Variants in GNAQ observed in about 807,000 individuals in gnomAD.
The protein encoded by GNAQ is guanine nucleotide-binding protein G(q) subunit alpha.
A neutral mutation model predicts 43.9 loss-of-function variants in GNAQ; 8 were observed. That is an observed-to-expected ratio of 0.18 (90% CI 0.11 to 0.33). The LOEUF (loss-of-function observed/expected upper bound fraction) is 0.33. Among genes scored for constraint, GNAQ ranks in the 10% least tolerant of loss-of-function variants. The pLI is 1.00. For missense variants in GNAQ, 158 were observed against 450.8 expected, an observed-to-expected ratio of 0.35 and a Z score of 5.88; for synonymous variants, 155 against 170.7, an observed-to-expected ratio of 0.91 and a Z score of 0.71.
At chr9:78,026,181 C>G (rs1823977539) in intron 1 of GNAQ, among the ~76,000 whole-genome samples, 1 of 152,132 alleles carries the variant, frequency 6.6e-6, no homozygotes, top group Non-Finnish European at 1.5e-5. Context: ...GATAAACCTG[C>G]AATATTTTCA....
intron 2 of GNAQ, among the ~76,000 whole-genome samples, chr9:77,816,388 C>CTGCCT (rs1827015941): frequency 6.6e-6 from 1 of 152,142 alleles, no homozygotes; most frequent in South Asian, 2.1e-4. Context: ...TCTGCCTTAT[C>CTGCCT]TATATTACCA....
At chr9:77,745,302 T>C (rs535707599) in intron 5 of GNAQ, among the ~76,000 whole-genome samples, 8 of 152,292 alleles carry the variant, frequency 5.3e-5, no homozygotes, top group African/African-American at 1.9e-4. Flanking sequence ...GAAAGCTGTT[T>C]AGTGCTTCAG....
intron 1 of GNAQ, among the ~76,000 whole-genome samples, chr9:77,961,438 C>T (rs903208609): frequency 6.6e-6 from 1 of 152,100 alleles, no homozygotes; most frequent in African/African-American, 2.4e-5. Context: ...AGAGAGAAAG[C>T]TCTTGAGATG....
intron 2 of GNAQ, among the ~76,000 whole-genome samples, chr9:77,893,041 T>C (rs1003074149): frequency 6.6e-6 from 1 of 152,294 alleles, no homozygotes; most frequent in South Asian, 2.1e-4. Flanking sequence ...TTATGGATAA[T>C]CTACTAGGCT....
intron 3 of GNAQ, among the ~76,000 whole-genome samples, chr9:77,798,938 C>T (rs1358980475): frequency 6.6e-6 from 1 of 152,156 alleles, no homozygotes; most frequent in Non-Finnish European, 1.5e-5. Flanking sequence ...ACACCACAAT[C>T]AGGACACAGA....
chr9:78,031,373 C>A lies in GNAQ; in HGVS notation c.-138G>T, dbSNP rs1000254259. 2.1e-6 allele frequency: 1 copy of A among 477,256 alleles called. No homozygotes were observed. The highest frequency in any genetic ancestry group is 2.1e-5 in the African/African-American group (1 of 47,538). The allele number at this position is 477,256 out of a possible 1,614,324, so 29.6% of individuals were successfully genotyped here. On this transcript the variant is annotated 5_prime_UTR_variant, in exon 1 of 7. Transcript: ENST00000286548. ...CCCGGGCGCGCGTCCGGGACGAGCT[C>A]CGGGAACCGCCGCGGGGGCGGCGGC...
chr9:77,761,707 G>A (rs1369798440), intron 5 of GNAQ, among the ~76,000 whole-genome samples: 3 of 64,596 alleles, frequency 4.6e-5, no homozygotes, highest in Admixed American at 2.6e-4. Flanking sequence ...CAGCCGACCC[G>A]TCTGGGAGGG....
intron 2 of GNAQ, among the ~76,000 whole-genome samples, chr9:77,853,000 T>C (rs1175549773): frequency 6.6e-6 from 1 of 152,148 alleles, no homozygotes; most frequent in East Asian, 1.9e-4. Context: ...AACGTCCAGA[T>C]GGAGAAAAGA....
At chr9:77,856,376 AAT>A in intron 2 of GNAQ, among the ~76,000 whole-genome samples, 1 of 152,222 alleles carries the variant, frequency 6.6e-6, no homozygotes, top group Non-Finnish European at 1.5e-5. Flanking sequence ...AAAATTTCAA[AAT>A]ATATATATAT....
intron 2 of GNAQ, among the ~76,000 whole-genome samples, chr9:77,875,450 A>G (rs1828111593): frequency 6.6e-6 from 1 of 152,222 alleles, no homozygotes; most frequent in African/African-American, 2.4e-5. Context: ...TATTAGGTTG[A>G]AAGCCTGGGT....
chr9:77,849,831 A>G (rs1471962034), intron 2 of GNAQ, among the ~76,000 whole-genome samples: 1 of 152,012 alleles, frequency 6.6e-6, no homozygotes, highest in Non-Finnish European at 1.5e-5. Flanking sequence ...ATGCCTGGCT[A>G]ATTTTTAAAT....
intron 1 of GNAQ, among the ~76,000 whole-genome samples, chr9:78,007,746 T>A (rs990380853): frequency 1.3e-5 from 2 of 152,214 alleles, no homozygotes; most frequent in Non-Finnish European, 2.9e-5. Flanking sequence ...CCAATCCCTA[T>A]CTTGTGAGAT....
At chr9:77,955,023 T>A (rs1823025593) in intron 1 of GNAQ, among the ~76,000 whole-genome samples, 1 of 152,212 alleles carries the variant, frequency 6.6e-6, no homozygotes, top group Non-Finnish European at 1.5e-5. Context: ...ACTGGCCAGA[T>A]CATAAGCCTG....
At chr9:78,019,162 G>A in intron 1 of GNAQ, among the ~76,000 whole-genome samples, 1 of 152,154 alleles carries the variant, frequency 6.6e-6, no homozygotes, top group East Asian at 1.9e-4. Context: ...ATTGGATAAG[G>A]AAACACAAAC....
chr9:77,864,803 T>C lies in GNAQ; in HGVS notation c.322-49033A>G, dbSNP rs371080534. 1.1e-4 allele frequency among the ~76,000 whole-genome samples: 17 copies of C among 152,342 alleles called. 1 individual carries two copies. In the East Asian group the frequency reaches 2.3e-3, roughly 21 times the overall value. On this transcript the variant is annotated intron_variant, in intron 2 of 6. Coordinates refer to ENST00000286548, the MANE Select transcript of GNAQ (RefSeq NM_002072.5). Reference sequence around the variant, plus strand: ...AATAGGAAATGAACACACTCTTTTCTGGTTCTGCTCACTGTTCTCCTTTCA... The same window carrying C: ...AATAGGAAATGAACACACTCTTTTCCGGTTCTGCTCACTGTTCTCCTTTCA...
intron 1 of GNAQ, among the ~76,000 whole-genome samples, chr9:77,980,415 G>C (rs1053071549): frequency 6.6e-6 from 1 of 152,062 alleles, no homozygotes; most frequent in East Asian, 1.9e-4. Flanking sequence ...TATTATTCTT[G>C]TCATAAAACT....
At chr9:78,013,189 C>T (rs1164630960) in intron 1 of GNAQ, among the ~76,000 whole-genome samples, 3 of 152,054 alleles carry the variant, frequency 2.0e-5, no homozygotes, top group Admixed American at 1.3e-4. Context: ...ACACAAATAC[C>T]CATATTATAT....
chr9:77,836,222 G>T (rs1827381639), intron 2 of GNAQ, among the ~76,000 whole-genome samples: 2 of 103,010 alleles, frequency 1.9e-5, no homozygotes, highest in South Asian at 6.8e-4. Flanking sequence ...AACTCCCTAT[G>T]ATTAAAAGCC....
chr9:77,892,428 T>C (rs1262659417), intron 2 of GNAQ, among the ~76,000 whole-genome samples: 1 of 152,238 alleles, frequency 6.6e-6, no homozygotes, highest in African/African-American at 2.4e-5. Context: ...CTTGGATTTC[T>C]CATAGGTTCA....
Sources: gnomAD v4.1 joint callset for allele counts (sites outside exome capture counted in the v4.1 genomes callset) on GRCh38, gnomAD v4.1.1 for gene constraint, MANE v1.5 for transcripts, NCBI Gene and HGNC (gene_info 2026-07-23, HGNC 2026-07-21) for gene names.